Variants in NAA11 observed in about 807,000 individuals in gnomAD.
NAA11 encodes N-alpha-acetyltransferase 11.
NAA11 carries 15 observed loss-of-function variants against 16.1 expected under a neutral mutation model. That is an observed-to-expected ratio of 0.93 (90% CI 0.62 to 1.44). NAA11 has a LOEUF of 1.44. Ranked by LOEUF, NAA11 falls within the 40% of genes most tolerant of loss-of-function variation. NAA11 has a pLI of 0.00. For missense variants in NAA11, 298 were observed against 291.3 expected (o/e 1.02, Z -0.17); for synonymous variants, 122 against 112.4 (o/e 1.09, Z -0.54).
chr4:79,237,668 C>T (rs1317942328), intron 2 of NAA11, among the ~76,000 whole-genome samples: 1 of 152,088 alleles, frequency 6.6e-6, no homozygotes, highest in Non-Finnish European at 1.5e-5. Context: ...ATTAGTATTA[C>T]TGAGGGCAAT....
Position 79,265,124 on chromosome 4 carries a change from C to T in NAA11, c.*122+28881G>A, listed in dbSNP as rs547724998. ...GGTCGGATAAAGTATCTGGAGTCAT[C>T]CTCATGCCTCTCATTTTCTTAAACT... is the stretch of plus-strand genomic sequence containing the variant. On this transcript the variant is annotated intron_variant and NMD_transcript_variant, in intron 2 of 2. Coordinates refer to the NAA11 transcript ENST00000511542. Among the ~76,000 whole-genome samples the T allele has an allele frequency of 4.6e-5, 7 of 152,206 alleles. No individual in the cohort carries two copies. The South Asian group carries it at 1.5e-3, about 32-fold the overall frequency.
At chr4:79,229,710 GC>G (rs1344457465) in intron 2 of NAA11, among the ~76,000 whole-genome samples, 1 of 151,900 alleles carries the variant, frequency 6.6e-6, no homozygotes, top group African/African-American at 2.4e-5. Context: ...CTTTGTGTGT[GC>G]CATATTGTTT....
At chr4:79,286,059 CT>C in intron 2 of NAA11, among the ~76,000 whole-genome samples, 1 of 152,136 alleles carries the variant, frequency 6.6e-6, no homozygotes, top group East Asian at 1.9e-4. Context: ...CCTTTGTCCT[CT>C]TTCTATTCAA....
intron 2 of NAA11, among the ~76,000 whole-genome samples, chr4:79,256,166 C>T (rs534989759): frequency 2.0e-5 from 3 of 152,216 alleles, no homozygotes; most frequent in African/African-American, 7.2e-5. Flanking sequence ...TTCCTTGTTT[C>T]TCTGTTCCCT....
chr4:79,240,120 C>T (rs1204481022), intron 2 of NAA11, among the ~76,000 whole-genome samples: 1 of 152,156 alleles, frequency 6.6e-6, no homozygotes, highest in Non-Finnish European at 1.5e-5. Flanking sequence ...CCTTTCCCAC[C>T]TTTAATGCTT....
the NAA11 span, among the ~76,000 whole-genome samples, chr4:79,211,507 A>G: frequency 1.3e-5 from 2 of 152,210 alleles, no homozygotes; most frequent in Non-Finnish European, 2.9e-5. Context: ...CTATCAGTCT[A>G]TGTATGTCTA....
chr4:79,208,770 A>G, the NAA11 span, among the ~76,000 whole-genome samples: 2 of 151,700 alleles, frequency 1.3e-5, no homozygotes, highest in East Asian at 3.9e-4. Flanking sequence ...CTTCATAGAA[A>G]TTTAGATTAT....
chr4:79,321,540 G>T (rs2110017442), intron 1 of NAA11, among the ~76,000 whole-genome samples: 1 of 152,298 alleles, frequency 6.6e-6, no homozygotes, highest in Middle Eastern at 3.4e-3. Flanking sequence ...TAAGATGTAG[G>T]AGAACCATGA....
At chr4:79,314,619 T>C (rs957932550), downstream of NAA11, among the ~76,000 whole-genome samples, 1 of 125,326 alleles carries the variant, frequency 8.0e-6, no homozygotes. Flanking sequence ...AACCCATACA[T>C]AGGTCTGCTG....
the NAA11 span, chr4:79,196,001 G>C: frequency 6.6e-6 from 1 of 152,162 alleles, no homozygotes; most frequent in Non-Finnish European, 1.5e-5. Context: ...AGCAGTGTGA[G>C]AATGGACTAA....
intron 1 of NAA11, chr4:79,307,278 GA>G (rs1185575578): frequency 6.6e-6 from 1 of 152,130 alleles, no homozygotes; most frequent in Non-Finnish European, 1.5e-5. Context: ...GAAGACATCA[GA>G]AAACAAACAA....
chr4:79,167,417 A>G, the NAA11 span, among the ~76,000 whole-genome samples: 1 of 151,054 alleles, frequency 6.6e-6, no homozygotes, highest in Non-Finnish European at 1.5e-5. Context: ...ATCAAGTCCA[A>G]TGATAGGGAT....
chr4:79,179,199 T>C, the NAA11 span, among the ~76,000 whole-genome samples: 1 of 150,420 alleles, frequency 6.6e-6, no homozygotes, highest in Non-Finnish European at 1.5e-5. Context: ...TTCTTGTTTT[T>C]TGTTTTGTTT....
At chr4:79,197,245 T>A in the NAA11 span, among the ~76,000 whole-genome samples, 3 of 152,146 alleles carry the variant, frequency 2.0e-5, no homozygotes, top group East Asian at 1.9e-4. Context: ...GGGTTTTTTT[T>A]AAGGCATATT....
chr4:79,163,515 T>C, the NAA11 span, among the ~76,000 whole-genome samples: 1 of 152,154 alleles, frequency 6.6e-6, no homozygotes. Flanking sequence ...TGGGTCATCA[T>C]TACAAACATT....
chr4:79,219,622 G>A, the NAA11 span, among the ~76,000 whole-genome samples: 3 of 151,982 alleles, frequency 2.0e-5, no homozygotes, highest in African/African-American at 7.3e-5. Context: ...ATATAGAAAT[G>A]CCAAACAAAC....
downstream of NAA11, among the ~76,000 whole-genome samples, chr4:79,316,356 C>T (rs1161643451): frequency 1.3e-5 from 2 of 152,138 alleles, no homozygotes; most frequent in Non-Finnish European, 2.9e-5. Flanking sequence ...TGTATTGGCA[C>T]AAGAAATGGC....
At chr4:79,227,900 T>C (rs1721358725) in intron 2 of NAA11, 1 of 152,054 alleles carries the variant, frequency 6.6e-6, no homozygotes, top group African/African-American at 2.4e-5. Flanking sequence ...TATGAAAATA[T>C]GTAGGTATTT....
intron 2 of NAA11, among the ~76,000 whole-genome samples, chr4:79,264,227 T>C (rs1331538049): frequency 1.3e-5 from 2 of 152,228 alleles, no homozygotes; most frequent in Non-Finnish European, 2.9e-5. Context: ...GTATAGAAAC[T>C]TTTATAACAA....
Sources: gnomAD v4.1 joint callset for allele counts (sites outside exome capture counted in the v4.1 genomes callset) on GRCh38, gnomAD v4.1.1 for gene constraint, MANE v1.5 for transcripts, NCBI Gene and HGNC (gene_info 2026-07-23, HGNC 2026-07-21) for gene names.